TJP1: variants seen among roughly 807,000 people sequenced by gnomAD.
TJP1 encodes the protein tight junction protein 1, also known as tight junction protein ZO-1.
In TJP1, 43 loss-of-function variants were observed where a neutral mutation model predicts 194.2. The ratio of observed to expected loss-of-function variants is 0.22; its 90% confidence interval spans 0.17 to 0.29. The LOEUF (loss-of-function observed/expected upper bound fraction) is 0.29. Among genes scored for constraint, TJP1 ranks in the 10% least tolerant of loss-of-function variants. The pLI is 1.00. For missense variants in TJP1, 1,971 were observed against 2,185.7 expected (o/e 0.90, Z 1.96); for synonymous variants, 801 against 779.0 (o/e 1.03, Z -0.47).
At chr15:29,800,211 T>A (rs1015406794) in intron 2 of TJP1, among the ~76,000 whole-genome samples, 2 of 152,218 alleles carry the variant, frequency 1.3e-5, no homozygotes, top group Non-Finnish European at 2.9e-5. Flanking sequence ...CATCTGCAAT[T>A]GTTTAAGCAA....
intron 8 of TJP1, among the ~76,000 whole-genome samples, chr15:29,756,544 C>T (rs796103248): frequency 8.5e-5 from 13 of 152,232 alleles, no homozygotes; most frequent in African/African-American, 3.1e-4. Flanking sequence ...CTGCCAACTC[C>T]AGTTCTAGAC....
intron 15 of TJP1, chr15:29,728,636 G>A (rs1216503664): frequency 6.6e-6 from 1 of 152,196 alleles, no homozygotes. Context: ...GCCAAATGCA[G>A]CTTGGGCTGG....
chr15:29,949,268 A>T (rs2055429942), intron 2 of TJP1, among the ~76,000 whole-genome samples: 3 of 100,998 alleles, frequency 3.0e-5, no homozygotes, highest in Non-Finnish European at 5.6e-5. Context: ...CACCACCACC[A>T]CCTCCATCAC....
chr15:29,951,641 T>C (rs1009781143), intron 2 of TJP1, among the ~76,000 whole-genome samples: 1 of 152,328 alleles, frequency 6.6e-6, no homozygotes. Context: ...CCCCCTCTAA[T>C]GACAAAAACT....
chr15:29,911,815 T>G (rs1376138431), intron 2 of TJP1, among the ~76,000 whole-genome samples: 3 of 152,232 alleles, frequency 2.0e-5, no homozygotes, highest in Non-Finnish European at 4.4e-5. Context: ...TTGTTAAGCA[T>G]GCATTCCTCT....
intron 2 of TJP1, among the ~76,000 whole-genome samples, chr15:29,881,183 C>T (rs1359695142): frequency 1.3e-5 from 2 of 152,102 alleles, no homozygotes; most frequent in Non-Finnish European, 1.5e-5. Flanking sequence ...TTTGCATTTC[C>T]CTGATGATTA....
chr15:29,924,878 G>A (rs1369825677), intron 2 of TJP1, among the ~76,000 whole-genome samples: 2 of 152,206 alleles, frequency 1.3e-5, no homozygotes, highest in East Asian at 3.9e-4. Context: ...GGCCCACGGG[G>A]CAGCTCTGAC....
chr15:29,827,061 T>G (rs1352689787), upstream of TJP1, among the ~76,000 whole-genome samples: 1 of 152,102 alleles, frequency 6.6e-6, no homozygotes, highest in Non-Finnish European at 1.5e-5. Flanking sequence ...GGTGTGGGGT[T>G]TAAGTATGCA....
chr15:29,818,930 T>A (rs1342238579), intron 1 of TJP1, among the ~76,000 whole-genome samples: 1 of 151,092 alleles, frequency 6.6e-6, no homozygotes, highest in Non-Finnish European at 1.5e-5. Context: ...CAATTCTCCT[T>A]CCTTAGCTTC....
chr15:29,706,097 A>T (rs887945661), intron 25 of TJP1, among the ~76,000 whole-genome samples: 18 of 152,038 alleles, frequency 1.2e-4, no homozygotes, highest in African/African-American at 4.3e-4. Context: ...AAGCCTGGCT[A>T]ATTTTTGTAT....
chr15:29,760,438 C>T (rs754506088), intron 8 of TJP1: 66 of 553,308 alleles, frequency 1.2e-4, no homozygotes, highest in South Asian at 2.5e-4. Flanking sequence ...TGCAGTGGTG[C>T]GATCTCGGCT....
intron 2 of TJP1, among the ~76,000 whole-genome samples, chr15:29,883,708 G>A (rs114956964): frequency 0.011 from 1,628 of 152,172 alleles, 22 homozygotes; most frequent in African/African-American, 0.038. Flanking sequence ...GGCTTTAATT[G>A]TGAGGTTATG....
At chr15:29,847,555 G>A (rs1422287634) in intron 2 of TJP1, among the ~76,000 whole-genome samples, 1 of 152,128 alleles carries the variant, frequency 6.6e-6, no homozygotes, top group Non-Finnish European at 1.5e-5. Context: ...CGAGGCTGAG[G>A]TGGGCGGATC....
rs1472574240 is a variant in TJP1, at chr15:29,731,079, C to CCT, written c.2017+1353_2017+1354insAG. Reference sequence around the variant, plus strand: ...TATAAAAATGCAGAATTTTGTTTTACTTTTTTTTTTTTTTTTTTAAGCTAT... The same window carrying CCT: ...TATAAAAATGCAGAATTTTGTTTTACCTTTTTTTTTTTTTTTTTTTAAGCTAT... On this transcript the variant is annotated intron_variant, in intron 15 of 27. Transcript: ENST00000614355. 3.0e-4 allele frequency: 176 copies of CCT among 596,516 alleles called. 7 individuals carry two copies. Among genetic ancestry groups the CCT allele is most frequent in the Middle Eastern group, 9.5e-4 (2 of 2,112 alleles). 37.0% of individuals were successfully genotyped at this position (596,516 alleles called of 1,614,324 possible). A position where few individuals can be genotyped will look rare whatever the true frequency, so the allele number is the denominator to read the frequency against.
Position 29,708,548 on chromosome 15 carries a change from A to G in TJP1, c.4850+11T>C, listed in dbSNP as rs377636039. On this transcript the variant is annotated intron_variant, in intron 25 of 27. Coordinates refer to ENST00000614355, the MANE Select transcript of TJP1 (RefSeq NM_001330239.4). ...CAGGGCCAATGCTTTGAGCAAAGGC[A>G]TAAGTCTTACCTCACAGGAATAGCT... 1.1e-5 allele frequency: 17 copies of G among 1,590,452 alleles called. No homozygotes were observed. The highest frequency in any genetic ancestry group is 5.4e-5 in the African/African-American group (4 of 74,298).
At chr15:29,727,165 G>A (rs2043292963) in intron 16 of TJP1, among the ~76,000 whole-genome samples, 174 bp from the exon 17 acceptor site, 1 of 152,122 alleles carries the variant, frequency 6.6e-6, no homozygotes, top group Non-Finnish European at 1.5e-5. Flanking sequence ...CCAGTATGGA[G>A]AAACTCTATC....
chr15:29,807,548 G>T (rs1341930352), intron 1 of TJP1, among the ~76,000 whole-genome samples: 1 of 152,136 alleles, frequency 6.6e-6, no homozygotes, highest in Non-Finnish European at 1.5e-5. Flanking sequence ...ACAGTCCTCT[G>T]AGTATATCTT....
Position 29,753,569 on chromosome 15 carries a change from T to C in TJP1, c.1010+7570A>G, listed in dbSNP as rs578116002. Among the ~76,000 whole-genome samples, 100 of 151,752 alleles carry C rather than the reference T, an allele frequency of 6.6e-4. 3 individuals are homozygous for C. The South Asian group carries it at 0.02, about 30-fold the overall frequency. The stretch of plus-strand genomic sequence containing the variant: ...ACATATATGTGACATTAGTAAGTAT[T>C]TGGCAAAGGACGAATGAGCAGGATA... On this transcript the variant is annotated intron_variant, in intron 8 of 27. Transcript: ENST00000614355.
chr15:29,968,752 G>T, exon 1 of TJP1: 1 of 1,230,926 alleles, frequency 8.1e-7, no homozygotes, highest in South Asian at 1.3e-5. Context: ...AGGTATTTCT[G>T]GTACTTCATC....
Sources: gnomAD v4.1 joint callset for allele counts (sites outside exome capture counted in the v4.1 genomes callset) on GRCh38, gnomAD v4.1.1 for gene constraint, MANE v1.5 for transcripts, NCBI Gene and HGNC (gene_info 2026-07-23, HGNC 2026-07-21) for gene names.